Variants in ZNF304 observed in about 807,000 individuals in gnomAD.
ZNF304 encodes the protein zinc finger protein 304.
ZNF304 carries 7 observed loss-of-function variants against 7.8 expected under a neutral mutation model. The ratio of observed to expected loss-of-function variants is 0.90; its 90% CI spans 0.51 to 1.69. ZNF304 has a LOEUF of 1.69. Among genes scored for constraint, ZNF304 ranks in the 40% most tolerant of loss-of-function variants. ZNF304 has a pLI of 0.00. For missense variants in ZNF304, 669 were observed against 804.8 expected (o/e 0.83, Z 2.04); for synonymous variants, 280 against 272.4 (o/e 1.03, Z -0.27).
chr19:57,355,936 TG>T, intron 2 of ZNF304, 93 bp from the exon 3 acceptor site: 2 of 1,401,728 alleles, frequency 1.4e-6, no homozygotes, highest in Non-Finnish European at 1.9e-6. Flanking sequence ...AACAAGCCAG[TG>T]GACTCGCACT....
chr19:57,351,572 T>C lies in ZNF304; in HGVS notation c.-93T>C. On this transcript the variant is annotated 5_prime_UTR_variant, in exon 1 of 3. Coordinates refer to ENST00000282286, the MANE Select transcript of ZNF304 (RefSeq NM_020657.4). The surrounding 1 kb of genome is among the most constrained non-coding windows in gnomAD (Gnocchi z 4.1). Reference sequence around the variant, plus strand: ...TTTTTACACCGGGTAGATTGAGACTTGGAGTGCTACACTCAGCCCGAGGGC... The same window carrying C: ...TTTTTACACCGGGTAGATTGAGACTCGGAGTGCTACACTCAGCCCGAGGGC... The C allele has an allele frequency of 3.4e-6, 5 of 1,480,436 alleles. No homozygotes were observed. Among genetic ancestry groups the C allele is most frequent in the Middle Eastern group, 1.7e-4 (1 of 5,826 alleles). The allele number at this position is 1,480,436 out of a possible 1,614,324, so 91.7% of individuals were successfully genotyped here. A position where few individuals can be genotyped will look rare whatever the true frequency, so the allele number is the denominator to read the frequency against.
intron 2 of ZNF304, among the ~76,000 whole-genome samples, chr19:57,355,699 C>T (rs2088326023): frequency 6.6e-6 from 1 of 152,184 alleles, no homozygotes; most frequent in African/African-American, 2.4e-5. Flanking sequence ...GTCAGATTTT[C>T]GTGGGCATGG....
intron 2 of ZNF304, chr19:57,355,230 G>A (rs1483782173): frequency 1.3e-6 from 1 of 763,456 alleles, no homozygotes; most frequent in Admixed American, 1.7e-5. Flanking sequence ...TGTGGAGTGG[G>A]TCTACCTGCG....
At position 57,353,726 on chromosome 19, in the gene ZNF304, G is replaced by C; in HGVS notation, c.35G>C (p.Ser12Thr). The C allele has an allele frequency of 6.2e-7, 1 of 1,609,464 alleles. No homozygotes were observed. Among genetic ancestry groups the C allele is most frequent in the Non-Finnish European group, 8.5e-7 (1 of 1,177,696 alleles). The change falls in exon 2 of 3, where the codon AGT becomes ACT. Residue 12 changes from serine (S) to threonine (T), a missense_variant and splice_region_variant. Transcript: ENST00000282286. Reference sequence around the variant, plus strand: ...ACTCAGCTGTACTTATCATGGCAGAGTTGTGTGACCTTCGAGGATGTGTTC... The same window carrying C: ...ACTCAGCTGTACTTATCATGGCAGACTTGTGTGACCTTCGAGGATGTGTTC... ...AAAVLMDRVQ[S>T]CVTFEDVFVY...
Position 57,357,426 on chromosome 19 carries a change from T to A in ZNF304, c.1557T>A (p.Ile519=), listed in dbSNP as rs1269463895. ...GKFFSHSSNL[I]VHQRIHTGAK... is the part of the protein sequence containing the mutation. ...TCTTCAGCCATAGCTCCAACCTTATTGTACACCAGAGAATTCACACTGGAG... is the reference window on the plus strand; with the variant it reads ...TCTTCAGCCATAGCTCCAACCTTATAGTACACCAGAGAATTCACACTGGAG... Residue 519 remains isoleucine (I), a synonymous_variant, in exon 3 of 3, where the codon ATT becomes ATA. Coordinates refer to ENST00000282286, the MANE Select transcript of ZNF304 (RefSeq NM_020657.4). 6.2e-7 allele frequency: 1 copy of A among 1,614,052 alleles called. No individual in the cohort carries two copies. Among genetic ancestry groups the A allele is most frequent in the Admixed American group, 1.7e-5 (1 of 60,008 alleles).
Position 57,356,109 on chromosome 19 carries a change from T to C in ZNF304, c.240T>C (p.Ala80=). 6.2e-7 allele frequency: 1 copy of C among 1,614,250 alleles called. No homozygotes were observed. Among genetic ancestry groups the C allele is most frequent in the Non-Finnish European group, 8.5e-7 (1 of 1,180,032 alleles). The change falls in exon 3 of 3, where the codon GCT becomes GCC. Residue 80 remains alanine (A), a synonymous_variant. Transcript: ENST00000282286. ...SVEGVSQVRT[A]ESGLFQKAHP... ...AAGGAGTGTCACAGGTCAGGACTGCTGAGTCAGGTCTTTTCCAGAAAGCAC... is the reference window on the plus strand; with the variant it reads ...AAGGAGTGTCACAGGTCAGGACTGCCGAGTCAGGTCTTTTCCAGAAAGCAC...
Position 57,354,001 on chromosome 19 carries a change from T to TG in ZNF304, c.160+150_160+151insG, listed in dbSNP as rs1555778241. Reference sequence around the variant, plus strand: ...TTGTTGTTTATTATTTTGAGGGTTTTTTTTTTGTTTTTTGTTTTTTGTTTT... The same window carrying TG: ...TTGTTGTTTATTATTTTGAGGGTTTTGTTTTTTGTTTTTTGTTTTTTGTTTT... On this transcript the variant is annotated intron_variant, in intron 2 of 2. Transcript: ENST00000282286. 51 of 675,616 alleles carry TG rather than the reference T, an allele frequency of 7.5e-5. No individual in the cohort carries two copies. The African/African-American group carries it at 9.1e-4, about 12-fold the overall frequency. The allele number at this position is 675,616 out of a possible 1,614,324, so 41.9% of individuals were successfully genotyped here. A position where few individuals can be genotyped will look rare whatever the true frequency, so the allele number is the denominator to read the frequency against.
At position 57,359,660 on chromosome 19, in the gene ZNF304, T is replaced by C. The variant is rs1395011550; in HGVS notation, c.*1811T>C. On this transcript the variant is annotated 3_prime_UTR_variant, in exon 3 of 3. Transcript: ENST00000282286. ...CTATAATTTTATAAATGAAACCATA[T>C]GGTGTGTACTTTTTAGGGGGTGGGG... The C allele has an allele frequency of 1.3e-5, 2 of 152,222 alleles. No individual in the cohort carries two copies. The highest frequency in any genetic ancestry group is 2.4e-5 in the African/African-American group (1 of 41,466). The allele number at this position is 152,222 out of a possible 1,614,324, so 9.4% of individuals were successfully genotyped here.
chr19:57,353,858 C>G lies in ZNF304; in HGVS notation c.160+7C>G, dbSNP rs757218050. ...GCACTTGTGGCTACACTAGGTAAGT[C>G]TGTGTTTTAGTTATCTAATGCTACA... On this transcript the variant is annotated splice_region_variant and intron_variant, in intron 2 of 2. Transcript: ENST00000282286. The G allele has an allele frequency of 6.3e-7, 1 of 1,576,660 alleles. No individual in the cohort carries two copies. Among genetic ancestry groups the G allele is most frequent in the East Asian group, 2.3e-5 (1 of 44,116 alleles).
chr19:57,355,619 A>G (rs968689936), intron 2 of ZNF304, among the ~76,000 whole-genome samples: 1 of 152,240 alleles, frequency 6.6e-6, no homozygotes, highest in Non-Finnish European at 1.5e-5. Flanking sequence ...TCTCTTCAAC[A>G]CTAGCTTACT....
At chr19:57,355,363 A>C in intron 2 of ZNF304, 1 of 765,356 alleles carries the variant, frequency 1.3e-6, no homozygotes. Flanking sequence ...AGCCACAGTA[A>C]AGGAGACCTA....
Position 57,357,433 on chromosome 19 carries a change from C to T in ZNF304, c.1564C>T (p.Gln522Ter). 3.1e-6 allele frequency: 5 copies of T among 1,614,086 alleles called. No individual in the cohort carries two copies. Among genetic ancestry groups the T allele is most frequent in the African/African-American group, 1.3e-5 (1 of 75,022 alleles). ...FSHSSNLIVH[Q>*]RIHTGAKPYE... ...CCATAGCTCCAACCTTATTGTACAC[C>T]AGAGAATTCACACTGGAGCAAAGCC... The change falls in exon 3 of 3, where the codon CAG (glutamine) becomes TAG (stop). Residue 522 changes from glutamine (Q) to a stop codon, truncating the protein, a stop_gained. Transcript: ENST00000282286. LOFTEE classifies it low-confidence loss of function (END_TRUNC).
chr19:57,351,495 C>CGA lies in ZNF304; in HGVS notation c.-169_-168insAG. 2.6e-6 allele frequency: 2 copies of CGA among 764,374 alleles called. No homozygotes were observed. The highest frequency in any genetic ancestry group is 4.3e-6 in the Non-Finnish European group (2 of 463,632). 47.3% of individuals were successfully genotyped at this position (764,374 alleles called of 1,614,324 possible). Reference sequence around the variant, plus strand: ...GGGCTCTTACCGAGGCCTCCACACACGTCCTCTTGTCCTTGTCTCCCCCAG... The same window carrying CGA: ...GGGCTCTTACCGAGGCCTCCACACACGAGTCCTCTTGTCCTTGTCTCCCCCAG... On this transcript the variant is annotated 5_prime_UTR_variant, in exon 1 of 3. An upstream open reading frame in the 5' UTR gains an earlier in-frame stop. Coordinates refer to ENST00000282286, the MANE Select transcript of ZNF304 (RefSeq NM_020657.4). This position sits in a 1 kb window ranked among gnomAD's most constrained non-coding sequence, Gnocchi z 4.1.
At chr19:57,354,378 T>C (rs1320697836) in intron 2 of ZNF304, among the ~76,000 whole-genome samples, 1 of 152,202 alleles carries the variant, frequency 6.6e-6, no homozygotes, top group African/African-American at 2.4e-5. Flanking sequence ...AGTGTTGTGG[T>C]CTTACCTGAG....
chr19:57,353,873 C>T (rs769254104), intron 2 of ZNF304, 22 bp downstream of exon 2: 2 of 1,529,392 alleles, frequency 1.3e-6, no homozygotes, highest in African/African-American at 2.8e-5. Flanking sequence ...TTTTAGTTAT[C>T]TAATGCTACA....
In ZNF304 at chr19:57,351,984, C is replaced by G. The variant is rs1386391147; in HGVS notation, c.33+287C>G. 2.4e-6 allele frequency: 1 copy of G among 417,176 alleles called. No individual in the cohort carries two copies. The highest frequency in any genetic ancestry group is 4.3e-6 in the Non-Finnish European group (1 of 233,170). 25.8% of individuals were successfully genotyped at this position (417,176 alleles called of 1,614,324 possible). ...AGGCCTGGAATGGCCGCCCGAGGAG[C>G]TGGTCCTCTCTTCTGAGGGTGCTGG... On this transcript the variant is annotated intron_variant, in intron 1 of 2. Coordinates refer to ENST00000282286, the MANE Select transcript of ZNF304 (RefSeq NM_020657.4). The surrounding 1 kb of genome is among the most constrained non-coding windows in gnomAD (Gnocchi z 4.1).
intron 2 of ZNF304, among the ~76,000 whole-genome samples, 185 bp from the exon 3 acceptor site, chr19:57,355,845 A>C (rs1281620294): frequency 1.3e-5 from 2 of 152,182 alleles, no homozygotes; most frequent in African/African-American, 4.8e-5. Context: ...TTTACCTCAT[A>C]GTCAGGGTTC....
rs756220669 is a variant in ZNF304 at position 57,357,508 on chromosome 19, A to G, written c.1639A>G (p.Ile547Val). The G allele has an allele frequency of 1.2e-6, 2 of 1,610,338 alleles. No individual in the cohort carries two copies. The highest frequency in any genetic ancestry group is 2.7e-5 in the African/African-American group (2 of 73,698). Residue 547 changes from isoleucine (I) to valine (V), a missense_variant, in exon 3 of 3, where the codon ATT (isoleucine) becomes GTT (valine). Coordinates refer to ENST00000282286, the MANE Select transcript of ZNF304 (RefSeq NM_020657.4). ...ATGCTTTAGCCACAACTCCAGCCTC[A>G]TTTTGCACCAGAGAGTTCACACAGG... ...GKCFSHNSSL[I>V]LHQRVHTGAR...
chr19:57,356,003 A>C (rs758103689), intron 2 of ZNF304, 27 bp from the exon 3 acceptor site: 3 of 1,577,760 alleles, frequency 1.9e-6, no homozygotes. Context: ...GTCAGCATGC[A>C]CTTCACCAGC....
Sources: gnomAD v4.1 joint callset for allele counts (sites outside exome capture counted in the v4.1 genomes callset) on GRCh38, gnomAD v4.1.1 for gene constraint, Gnocchi (gnomAD v3.1) non-coding constraint, MANE v1.5 for transcripts, NCBI Gene and HGNC (gene_info 2026-07-23, HGNC 2026-07-21) for gene names.